Variants in CCDC171 observed in about 807,000 individuals in gnomAD.
The protein encoded by CCDC171 is coiled-coil domain-containing protein 171.
CCDC171 carries 177 observed loss-of-function variants against 168.2 expected under a neutral mutation model. The ratio of observed to expected loss-of-function variants is 1.05; its 90% confidence interval spans 0.93 to 1.19. The LOEUF is 1.19. Among genes scored for constraint, CCDC171 ranks in the 50% most tolerant of loss-of-function variants. CCDC171 has a pLI of 0.00. For synonymous variants in CCDC171, 687 were observed against 540.8 expected (o/e 1.27, Z -3.75); for missense variants, 1,991 against 1,539.0 (o/e 1.29, Z -4.91).
At chr9:16,070,689 A>C in the CCDC171 span, among the ~76,000 whole-genome samples, 2 of 152,186 alleles carry the variant, frequency 1.3e-5, no homozygotes, top group Non-Finnish European at 2.9e-5. Flanking sequence ...TCTCTGGCCA[A>C]GTGCCGTGGG....
chr9:15,583,231 G>A (rs1379331429), intron 4 of CCDC171, among the ~76,000 whole-genome samples: 1 of 151,824 alleles, frequency 6.6e-6, no homozygotes, highest in African/African-American at 2.4e-5. Flanking sequence ...CCTGGCCAAG[G>A]TGGTGGAACC....
At chr9:15,561,291 G>T (rs1310408677) in intron 1 of CCDC171, among the ~76,000 whole-genome samples, 1 of 152,092 alleles carries the variant, frequency 6.6e-6, no homozygotes, top group Non-Finnish European at 1.5e-5. Context: ...ATGACAGCAG[G>T]GAATGACTTT....
intron 21 of CCDC171, among the ~76,000 whole-genome samples, chr9:15,791,078 G>A (rs1039561727): frequency 1.1e-4 from 17 of 152,180 alleles, no homozygotes; most frequent in African/African-American, 3.4e-4. Flanking sequence ...TTGGCGATGC[G>A]GGCTCTTTTT....
At position 15,981,071 on chromosome 9, in the gene CCDC171, C is replaced by T. The variant is rs986652912; in HGVS notation, n.369-39518C>T. Reference sequence around the variant, plus strand: ...CATCAGATATTGTGAGACTTACTGTCACGAGAAAAGCCAGGAAAGACGTGC... The same window carrying T: ...CATCAGATATTGTGAGACTTACTGTTACGAGAAAAGCCAGGAAAGACGTGC... On this transcript the variant is annotated intron_variant and non_coding_transcript_variant, in intron 3 of 9. Coordinates refer to the CCDC171 transcript ENST00000486641. Among the ~76,000 whole-genome samples the T allele has an allele frequency of 2.0e-5, 3 of 152,062 alleles. No individual in the cohort carries two copies. In the South Asian group the frequency reaches 6.2e-4, roughly 32 times the overall value.
intron 21 of CCDC171, among the ~76,000 whole-genome samples, chr9:15,801,883 A>G (rs2058843552): frequency 6.6e-6 from 1 of 152,024 alleles, no homozygotes; most frequent in Non-Finnish European, 1.5e-5. Context: ...AAATGATTAT[A>G]TGGTTTTTGT....
chr9:16,085,776 T>C, the CCDC171 span, among the ~76,000 whole-genome samples: 6 of 152,232 alleles, frequency 3.9e-5, no homozygotes, highest in African/African-American at 7.2e-5. Context: ...TAAACACTTA[T>C]AGTGCCCAAG....
intron 3 of CCDC171, among the ~76,000 whole-genome samples, chr9:15,990,193 C>T (rs556791080): frequency 7.9e-5 from 12 of 152,008 alleles, no homozygotes; most frequent in Non-Finnish European, 8.8e-5. Flanking sequence ...GTCGGGTTAC[C>T]CACAAAGGGA....
At chr9:15,611,636 T>C (rs947613669) in intron 6 of CCDC171, among the ~76,000 whole-genome samples, 3 of 152,250 alleles carry the variant, frequency 2.0e-5, no homozygotes, top group African/African-American at 7.2e-5. Flanking sequence ...AACCCCCAGT[T>C]GTGTTTGCTT....
chr9:15,588,041 C>A (rs1002278311), intron 4 of CCDC171, among the ~76,000 whole-genome samples: 7 of 152,082 alleles, frequency 4.6e-5, no homozygotes, highest in African/African-American at 1.7e-4. Context: ...TCAAGACCAG[C>A]CTGACTGATA....
chr9:15,671,999 T>C (rs1381610576), intron 9 of CCDC171, among the ~76,000 whole-genome samples: 2 of 152,198 alleles, frequency 1.3e-5, no homozygotes, highest in East Asian at 3.8e-4. Flanking sequence ...CTCCACATCC[T>C]CTCCAGCACC....
the CCDC171 span, among the ~76,000 whole-genome samples, chr9:16,100,014 A>G: frequency 6.6e-6 from 1 of 151,904 alleles, no homozygotes; most frequent in Admixed American, 6.6e-5. Context: ...AAAAAAAAAA[A>G]AAGAAAAATC....
chr9:16,042,873 G>A (rs940026004), exon 1 of CCDC171: 9 of 152,122 alleles, frequency 5.9e-5, no homozygotes, highest in African/African-American at 2.2e-4. Flanking sequence ...CCTTCTGCTG[G>A]GGACACGCTG....
chr9:15,981,105 TTCA>T (rs1831781783), intron 3 of CCDC171, among the ~76,000 whole-genome samples: 1 of 152,202 alleles, frequency 6.6e-6, no homozygotes, highest in South Asian at 2.1e-4. Context: ...GCCCCCATGA[TTCA>T]GTTACCTCCC....
chr9:15,680,795 A>C (rs971842221), intron 10 of CCDC171, among the ~76,000 whole-genome samples: 1 of 152,138 alleles, frequency 6.6e-6, no homozygotes, highest in Non-Finnish European at 1.5e-5. Flanking sequence ...AAAATATATC[A>C]GGGTCATTGA....
chr9:15,646,994 G>T (rs1440644138), intron 7 of CCDC171, among the ~76,000 whole-genome samples: 1 of 152,144 alleles, frequency 6.6e-6, no homozygotes, highest in Admixed American at 6.5e-5. Context: ...TGACCACATA[G>T]TTGGAAGTAA....
At chr9:15,758,702 G>C (rs973874097) in intron 18 of CCDC171, among the ~76,000 whole-genome samples, 1 of 152,116 alleles carries the variant, frequency 6.6e-6, no homozygotes, top group African/African-American at 2.4e-5. Context: ...TTGTGGGAGG[G>C]ACCCAGTGGG....
At chr9:15,922,922 C>G (rs1310423075) in intron 25 of CCDC171, among the ~76,000 whole-genome samples, 1 of 151,242 alleles carries the variant, frequency 6.6e-6, no homozygotes, top group Non-Finnish European at 1.5e-5. Context: ...TATTTGTTTT[C>G]TTGCTATTGT....
At chr9:15,809,909 G>A (rs1302112592) in intron 21 of CCDC171, among the ~76,000 whole-genome samples, 1 of 152,116 alleles carries the variant, frequency 6.6e-6, no homozygotes, top group East Asian at 1.9e-4. Flanking sequence ...GAGATGATTG[G>A]TCCATTTTAC....
intron 3 of CCDC171, among the ~76,000 whole-genome samples, chr9:15,996,061 A>G (rs1832360280): frequency 6.6e-6 from 1 of 152,220 alleles, no homozygotes; most frequent in African/African-American, 2.4e-5. Flanking sequence ...GATGTTTCAC[A>G]CTTACACTGC....
Sources: allele counts gnomAD v4.1 joint callset (sites outside exome capture counted in the v4.1 genomes callset), GRCh38; gene constraint gnomAD v4.1.1; transcripts MANE v1.5; gene names NCBI Gene and HGNC (gene_info 2026-07-23, HGNC 2026-07-21).